Variants in ATP13A4 observed in about 807,000 individuals in gnomAD.
ATP13A4 encodes the protein ATPase 13A4.
Under a neutral mutation model 142.5 loss-of-function variants are expected in ATP13A4, and 114 were observed. That is an observed-to-expected ratio of 0.80 (90% CI 0.69 to 0.93). The LOEUF (loss-of-function observed/expected upper bound fraction) is 0.93, where lower values mean the gene tolerates loss of function less well. ATP13A4 is among the 40% of genes least tolerant of loss of function. The pLI, the probability that ATP13A4 is intolerant of heterozygous loss-of-function variation, is 0.00. For synonymous variants in ATP13A4, 488 were observed against 514.8 expected (o/e 0.95, Z 0.70); for missense variants, 1,392 against 1,454.0 (o/e 0.96, Z 0.69).
intron 2 of ATP13A4, among the ~76,000 whole-genome samples, chr3:193,505,563 A>G (rs956843347): frequency 3.9e-5 from 6 of 152,186 alleles, no homozygotes; most frequent in African/African-American, 1.4e-4. Context: ...TGTATGATAC[A>G]AAGTAGAATA....
At chr3:193,574,761 T>C (rs1164629199) in intron 2 of ATP13A4, among the ~76,000 whole-genome samples, 1 of 152,104 alleles carries the variant, frequency 6.6e-6, no homozygotes, top group Non-Finnish European at 1.5e-5. Context: ...TGAGTCTGAT[T>C]CTGTAATGGG....
At position 193,448,581 on chromosome 3, in the gene ATP13A4, C is replaced by T. The variant is rs554642413; in HGVS notation, c.2028-251G>A. Reference sequence around the variant, plus strand: ...GAACTCCTGAATTCAAGTGATTCACCCGCCTCAGCTTCCCAAAGTGCTGGA... The same window carrying T: ...GAACTCCTGAATTCAAGTGATTCACTCGCCTCAGCTTCCCAAAGTGCTGGA... On this transcript the variant is annotated intron_variant, in intron 17 of 29. Coordinates refer to ENST00000342695, the MANE Select transcript of ATP13A4 (RefSeq NM_032279.4). 3.9e-5 allele frequency among the ~76,000 whole-genome samples: 6 copies of T among 152,286 alleles called. No homozygotes were observed. In the East Asian group the frequency reaches 9.7e-4, roughly 25 times the overall value.
chr3:193,410,977 C>T lies in ATP13A4; in HGVS notation c.3297+5G>A. Reference sequence around the variant, plus strand: ...GCATCATCATATCCCAAAGATTAGACTTACATCCAAACGTCTATATAATTC... The same window carrying T: ...GCATCATCATATCCCAAAGATTAGATTTACATCCAAACGTCTATATAATTC... On this transcript the variant is annotated splice_donor_5th_base_variant and intron_variant, in intron 28 of 29. Transcript: ENST00000342695. 6.4e-7 allele frequency: 1 copy of T among 1,572,484 alleles called. No individual in the cohort carries two copies. Among genetic ancestry groups the T allele is most frequent in the Middle Eastern group, 1.7e-4 (1 of 5,974 alleles).
intron 19 of ATP13A4, 95 bp from the exon 20 acceptor site, chr3:193,441,683 G>T: frequency 7.0e-7 from 1 of 1,435,504 alleles, no homozygotes; most frequent in Non-Finnish European, 9.7e-7. Flanking sequence ...AGACAGACCA[G>T]GATCTATCTG....
At chr3:193,438,283 C>T (rs976973644) in intron 23 of ATP13A4, among the ~76,000 whole-genome samples, 192 bp downstream of exon 23, 8 of 152,062 alleles carry the variant, frequency 5.3e-5, no homozygotes, top group Non-Finnish European at 1.2e-4. Context: ...CTGGAAATGC[C>T]ACTGCTCTCC....
intron 25 of ATP13A4, among the ~76,000 whole-genome samples, chr3:193,432,323 A>G (rs1716027142): frequency 6.6e-6 from 1 of 152,116 alleles, no homozygotes; most frequent in African/African-American, 2.4e-5. Context: ...AATGCAAACT[A>G]GTATAGCTGT....
rs959119407 is a variant in ATP13A4 at position 193,467,488 on chromosome 3, T to C, written c.944-2A>G. On this transcript the variant is annotated splice_acceptor_variant, in intron 9 of 29. Coordinates refer to ENST00000342695, the MANE Select transcript of ATP13A4 (RefSeq NM_032279.4). LOFTEE classifies it high-confidence loss of function. ...TTTTGGTGACTGGAATACTTTCTCC[T>C]ACAGAAAACAAGCATCTTGTTTTGT... The C allele has an allele frequency of 6.2e-7, 1 of 1,613,022 alleles. No individual in the cohort carries two copies. Among genetic ancestry groups the C allele is most frequent in the Non-Finnish European group, 8.5e-7 (1 of 1,179,760 alleles).
intron 8 of ATP13A4, among the ~76,000 whole-genome samples, chr3:193,473,788 C>G (rs1718754544): frequency 6.6e-6 from 1 of 152,118 alleles, no homozygotes; most frequent in Non-Finnish European, 1.5e-5. Context: ...GAAGGACATT[C>G]TATAAAATAA....
intron 1 of ATP13A4, among the ~76,000 whole-genome samples, chr3:193,522,649 C>T (rs1000332898): frequency 4.6e-5 from 7 of 152,160 alleles, no homozygotes; most frequent in African/African-American, 1.4e-4. Flanking sequence ...TGCATGAACA[C>T]TTGTTGATTG....
upstream of ATP13A4, among the ~76,000 whole-genome samples, chr3:193,557,988 T>C (rs1021848674): frequency 1.3e-5 from 2 of 152,160 alleles, no homozygotes; most frequent in Non-Finnish European, 2.9e-5. Context: ...GGGAGTGACA[T>C]GTGGCAGGGA....
chr3:193,506,053 T>C (rs1361918480), intron 2 of ATP13A4, among the ~76,000 whole-genome samples: 1 of 152,212 alleles, frequency 6.6e-6, no homozygotes, highest in African/African-American at 2.4e-5. Context: ...TGTGCCTCAT[T>C]TTTCATAGCA....
In ATP13A4 at chr3:193,438,555, T is replaced by A; in HGVS notation, c.2592A>T (p.Ser864=). 6.2e-7 allele frequency: 1 copy of A among 1,614,158 alleles called. No individual in the cohort carries two copies. ...CCACAGATGCCTCCTGCTCTGATAA[T>A]GAGATGCCCACATGAGCCATTTTCA... The part of the protein sequence containing the change: ...GALKMAHVGI[S]LSEQEASVAS... Residue 864 remains serine (S), a synonymous_variant, in exon 23 of 30, where the codon TCA becomes TCT. Coordinates refer to ENST00000342695, the MANE Select transcript of ATP13A4 (RefSeq NM_032279.4).
intron 25 of ATP13A4, among the ~76,000 whole-genome samples, chr3:193,415,981 C>T (rs1321199202): frequency 6.6e-6 from 1 of 152,184 alleles, no homozygotes; most frequent in African/African-American, 2.4e-5. Context: ...TCTCCAGACT[C>T]AGTGTAAGCC....
At chr3:193,506,497 C>T (rs949462471) in intron 2 of ATP13A4, among the ~76,000 whole-genome samples, 1 of 152,156 alleles carries the variant, frequency 6.6e-6, no homozygotes, top group East Asian at 1.9e-4. Flanking sequence ...AGGGAGAAAC[C>T]TGGACATTTT....
chr3:193,567,968 T>C (rs77313596), intron 2 of ATP13A4, among the ~76,000 whole-genome samples: 1 of 140,076 alleles, frequency 7.1e-6, no homozygotes, highest in Non-Finnish European at 1.5e-5. Flanking sequence ...TTTTCTTTTC[T>C]TTTTTTTTTA....
In ATP13A4 at chr3:193,471,004, G is replaced by A. The variant is rs746817301; in HGVS notation, c.809-11C>T. ...GCTCTTGAACTCCAGCTGAAAGTGGGAGGAGACAGAGTTGAGTCAGGTTAT... is the reference window on the plus strand; with the variant it reads ...GCTCTTGAACTCCAGCTGAAAGTGGAAGGAGACAGAGTTGAGTCAGGTTAT... On this transcript the variant is annotated splice_polypyrimidine_tract_variant and intron_variant, in intron 8 of 29. Coordinates refer to ENST00000342695, the MANE Select transcript of ATP13A4 (RefSeq NM_032279.4). 3 of 1,614,150 alleles carry A rather than the reference G, an allele frequency of 1.9e-6. No homozygotes were observed. The highest frequency in any genetic ancestry group is 1.1e-5 in the South Asian group (1 of 91,084).
intron 2 of ATP13A4, among the ~76,000 whole-genome samples, chr3:193,511,364 G>A (rs781342789): frequency 1.3e-5 from 2 of 152,136 alleles, no homozygotes; most frequent in Admixed American, 6.5e-5. Context: ...CTGGCTACAC[G>A]CAACTAGGAG....
At chr3:193,531,227 C>T (rs1722296300) in intron 1 of ATP13A4, among the ~76,000 whole-genome samples, 2 of 136,976 alleles carry the variant, frequency 1.5e-5, no homozygotes, top group African/African-American at 5.5e-5. Flanking sequence ...CTTTGTGTAC[C>T]AATACCTAGC....
intron 1 of ATP13A4, among the ~76,000 whole-genome samples, chr3:193,540,238 A>T (rs1401204377): frequency 6.6e-6 from 1 of 151,972 alleles, no homozygotes; most frequent in East Asian, 1.9e-4. Context: ...CTTGGTCATA[A>T]TTGATCCTTT....
Sources: gnomAD v4.1 joint callset for allele counts (sites outside exome capture counted in the v4.1 genomes callset) on GRCh38, gnomAD v4.1.1 for gene constraint, MANE v1.5 for transcripts, NCBI Gene and HGNC (gene_info 2026-07-23, HGNC 2026-07-21) for gene names.